The following PDZD2 variants were observed in gnomAD, a reference collection of about 807,000 sequenced individuals.
The protein encoded by PDZD2 is PDZ domain-containing protein 2.
A neutral mutation model predicts 220.7 loss-of-function variants in PDZD2; 90 were observed. That is an observed-to-expected ratio of 0.41 (90% CI 0.34 to 0.49). The LOEUF (loss-of-function observed/expected upper bound fraction) is 0.49. Among genes scored for constraint, PDZD2 ranks in the 20% least tolerant of loss-of-function variants. The pLI is 0.28. For synonymous variants in PDZD2, 1,375 were observed against 1,450.5 expected (o/e 0.95, Z 1.18); for missense variants, 3,174 against 3,608.5 (o/e 0.88, Z 3.08).
chr5:31,801,378 C>G (rs1449324750), intron 2 of PDZD2, among the ~76,000 whole-genome samples: 1 of 151,828 alleles, frequency 6.6e-6, no homozygotes, highest in East Asian at 1.9e-4. Context: ...ACGCTGACCA[C>G]CACCAGGCTC....
chr5:31,660,555 G>A (rs1010412287), intron 1 of PDZD2, among the ~76,000 whole-genome samples: 3 of 152,112 alleles, frequency 2.0e-5, no homozygotes, highest in African/African-American at 4.8e-5. Context: ...GAGAAGTGCC[G>A]AGCAAAGAGG....
At chr5:32,052,395 C>T (rs1438202602) in intron 8 of PDZD2, 5 of 443,710 alleles carry the variant, frequency 1.1e-5, no homozygotes, top group African/African-American at 4.0e-5. Context: ...ACCCACCTGC[C>T]TTGGCCTCCC....
At chr5:32,070,116 T>C (rs1465370267) in intron 15 of PDZD2, among the ~76,000 whole-genome samples, 1 of 152,120 alleles carries the variant, frequency 6.6e-6, no homozygotes, top group Non-Finnish European at 1.5e-5. Context: ...CAGAGAAGGC[T>C]TGAGATAGTA....
At chr5:32,009,169 C>T (rs1345290723) in intron 5 of PDZD2, among the ~76,000 whole-genome samples, 1 of 151,538 alleles carries the variant, frequency 6.6e-6, no homozygotes, top group East Asian at 2.0e-4. Context: ...ATAGTGAAAA[C>T]CCCGTCTCTA....
intron 2 of PDZD2, among the ~76,000 whole-genome samples, chr5:31,900,111 G>A (rs73064438): frequency 0.031 from 4,676 of 152,246 alleles, 246 homozygotes; most frequent in African/African-American, 0.11. Flanking sequence ...CGTAGTGAAC[G>A]GTGTCACCAG....
chr5:32,096,619 A>G (rs1293662876), intron 21 of PDZD2, among the ~76,000 whole-genome samples: 5 of 151,922 alleles, frequency 3.3e-5, no homozygotes, highest in Non-Finnish European at 5.9e-5. Context: ...GCGCCTAGCC[A>G]TGCTATTTTT....
At chr5:31,710,330 G>C (rs1235083188) in intron 1 of PDZD2, among the ~76,000 whole-genome samples, 2 of 152,168 alleles carry the variant, frequency 1.3e-5, no homozygotes, top group East Asian at 3.9e-4. Context: ...GTGGAGGTAA[G>C]TTTAAGTAAA....
At position 31,798,978 on chromosome 5, in the gene PDZD2, AC is replaced by A. The variant is rs1214865421; in HGVS notation, c.-269del. On this transcript the variant is annotated 5_prime_UTR_variant, in exon 2 of 25. It removes the in-frame stop codon of an upstream open reading frame in the 5' UTR. Coordinates refer to ENST00000438447, the MANE Select transcript of PDZD2 (RefSeq NM_178140.4). Reference sequence around the variant, plus strand: ...TTGCATGGGTCCTGCTGTGAAATGAACCTGGCAGGGACTTGTTAGACACTTC... The same window carrying A: ...TTGCATGGGTCCTGCTGTGAAATGAACTGGCAGGGACTTGTTAGACACTTC... 5 of 480,152 alleles carry A rather than the reference AC, an allele frequency of 1.0e-5. No individual in the cohort carries two copies. Among genetic ancestry groups the A allele is most frequent in the Non-Finnish European group, 1.9e-5 (5 of 269,662 alleles). The allele number at this position is 480,152 out of a possible 1,614,324, so 29.7% of individuals were successfully genotyped here.
At chr5:31,853,747 C>G (rs1758194554) in intron 2 of PDZD2, among the ~76,000 whole-genome samples, 2 of 152,152 alleles carry the variant, frequency 1.3e-5, no homozygotes, top group South Asian at 4.1e-4. Flanking sequence ...ATGCCCACAA[C>G]CAGAGCTTAG....
intron 2 of PDZD2, among the ~76,000 whole-genome samples, chr5:31,920,676 G>A (rs1049953053): frequency 6.6e-6 from 1 of 152,078 alleles, no homozygotes; most frequent in East Asian, 1.9e-4. Flanking sequence ...ACCAGGCGTG[G>A]TGGTGTGTAT....
chr5:31,712,465 TC>T (rs1748179199), intron 1 of PDZD2, among the ~76,000 whole-genome samples: 1 of 128,348 alleles, frequency 7.8e-6, no homozygotes, highest in Non-Finnish European at 1.7e-5. Flanking sequence ...TCTCTCTCTC[TC>T]TCTCTCTCTC....
chr5:32,014,530 G>A (rs1002976784), intron 6 of PDZD2, among the ~76,000 whole-genome samples: 2 of 151,880 alleles, frequency 1.3e-5, no homozygotes, highest in Non-Finnish European at 2.9e-5. Context: ...GACAGGGCTC[G>A]CCGTCTGCCA....
At chr5:31,850,222 ATAAG>A (rs1278355946) in intron 2 of PDZD2, among the ~76,000 whole-genome samples, 1,336 of 75,344 alleles carry the variant, frequency 0.018, 40 homozygotes, top group African/African-American at 0.099. Context: ...GTGTATATAT[ATAAG>A]TATATATATA....
chr5:31,811,991 A>AAAATAAATAAAT (rs369835690), intron 2 of PDZD2, among the ~76,000 whole-genome samples: 146 of 138,862 alleles, frequency 1.1e-3, no homozygotes, highest in East Asian at 3.9e-3. Context: ...CTCTGTCTCA[A>AAAATAAATAAAT]AAATAAATAA....
intron 5 of PDZD2, among the ~76,000 whole-genome samples, chr5:32,002,411 G>T (rs1342538931): frequency 6.6e-6 from 1 of 152,060 alleles, no homozygotes; most frequent in African/African-American, 2.4e-5. Flanking sequence ...TGGGCTGTCT[G>T]TAGCCCCTCG....
At chr5:31,793,140 A>G (rs891935117) in intron 1 of PDZD2, among the ~76,000 whole-genome samples, 3 of 151,776 alleles carry the variant, frequency 2.0e-5, no homozygotes, top group African/African-American at 7.3e-5. Flanking sequence ...GGCCCGGCCA[A>G]AGGTGCTTAT....
intron 2 of PDZD2, among the ~76,000 whole-genome samples, chr5:31,864,975 A>G (rs1170480272): frequency 1.4e-5 from 2 of 145,850 alleles, no homozygotes; most frequent in African/African-American, 5.2e-5. Context: ...CAGCCCCCCG[A>G]GTAGCTGGGA....
intron 2 of PDZD2, among the ~76,000 whole-genome samples, chr5:31,879,214 T>C (rs1739626496): frequency 6.6e-6 from 1 of 152,002 alleles, no homozygotes; most frequent in East Asian, 2.0e-4. Flanking sequence ...GGTGAAATCC[T>C]GTCTCTACTA....
At chr5:31,818,033 G>A (rs931479416) in intron 2 of PDZD2, among the ~76,000 whole-genome samples, 11 of 139,338 alleles carry the variant, frequency 7.9e-5, no homozygotes, top group African/African-American at 2.7e-4. Context: ...GCAATGGCAC[G>A]ATCACGGCTC....
Sources: gnomAD v4.1 joint callset for allele counts (sites outside exome capture counted in the v4.1 genomes callset) on GRCh38, gnomAD v4.1.1 for gene constraint, MANE v1.5 for transcripts, NCBI Gene and HGNC (gene_info 2026-07-23, HGNC 2026-07-21) for gene names.